ECT2: variants seen among roughly 807,000 people sequenced by gnomAD.
The protein encoded by ECT2 is protein ECT2.
ECT2 carries 61 observed loss-of-function variants against 116.9 expected under a neutral mutation model. That is an observed-to-expected ratio of 0.52 (90% CI 0.42 to 0.65). ECT2 has a LOEUF of 0.65. ECT2 is among the 30% of genes least tolerant of loss of function. The pLI, the probability that ECT2 is intolerant of heterozygous loss-of-function variation, is 0.00. For missense variants in ECT2, 937 were observed against 1,078.7 expected, an observed-to-expected ratio of 0.87 and a Z score of 1.84; for synonymous variants, 358 against 346.4, an observed-to-expected ratio of 1.03 and a Z score of -0.37.
rs966508792 is a variant in ECT2, at chr3:172,774,765, A to G, written c.1548+743A>G. 5.9e-5 allele frequency among the ~76,000 whole-genome samples: 9 copies of G among 152,280 alleles called. No homozygotes were observed. The South Asian group carries it at 1.0e-3, about 18-fold the overall frequency. ...CTGATCCTCCTGCCTTAGCCTCTCA[A>G]AGTGCTAGGATTACAGCCATGAGCC... On this transcript the variant is annotated intron_variant, in intron 14 of 24. Coordinates refer to ENST00000392692, the MANE Select transcript of ECT2 (RefSeq NM_001258315.2).
chr3:172,781,850 AAGT>A (rs1191008892), intron 14 of ECT2, among the ~76,000 whole-genome samples: 2 of 152,196 alleles, frequency 1.3e-5, no homozygotes, highest in African/African-American at 4.8e-5. Flanking sequence ...GCAGGATTGA[AAGT>A]AGTTTTCTAT....
Position 172,807,888 on chromosome 3 carries a change from T to C in ECT2, c.2364T>C (p.Cys788=). The C allele has an allele frequency of 6.2e-7, 1 of 1,613,906 alleles. No homozygotes were observed. Residue 788 remains cysteine, a synonymous_variant, in exon 22 of 25, where the codon TGT becomes TGC. Coordinates refer to ENST00000392692, the MANE Select transcript of ECT2 (RefSeq NM_001258315.2). ...LPKENWLKML[C]RHVANTICKA... is the part of the protein sequence containing the mutation. ...AAGAAAACTGGCTAAAGATGCTGTG[T>C]CGACATGTAGCTAACACCATTTGTA...
rs185421644 is a variant in ECT2, at chr3:172,752,498, T to G, written c.-23+1641T>G. Reference sequence around the variant, plus strand: ...GTTAGCTCATCTCCTGACTTTTTTTTTTTTTTAAACATTCTTTTAAGGGGA... The same window carrying G: ...GTTAGCTCATCTCCTGACTTTTTTTGTTTTTTAAACATTCTTTTAAGGGGA... On this transcript the variant is annotated intron_variant, in intron 1 of 24. Coordinates refer to ENST00000392692, the MANE Select transcript of ECT2 (RefSeq NM_001258315.2). 264 of 152,268 alleles carry G rather than the reference T, an allele frequency of 1.7e-3. 5 individuals are homozygous for G. The highest frequency in any genetic ancestry group is 6.2e-3 in the African/African-American group (256 of 41,536). The allele number at this position is 152,268 out of a possible 1,614,324, so 9.4% of individuals were successfully genotyped here.
At chr3:172,759,097 G>T in intron 6 of ECT2, 28 bp downstream of exon 6, 3 of 1,470,122 alleles carry the variant, frequency 2.0e-6, no homozygotes, top group Non-Finnish European at 2.8e-6. Context: ...AATTCAAAGC[G>T]TATTTTTTAC....
intron 22 of ECT2, 81 bp from the exon 23 acceptor site, chr3:172,815,523 A>G (rs540539951): frequency 5.0e-6 from 4 of 796,018 alleles, no homozygotes; most frequent in South Asian, 1.8e-5. Context: ...AAATACTCCC[A>G]TATATAAATA....
intron 6 of ECT2, among the ~76,000 whole-genome samples, chr3:172,759,860 A>T (rs949138881): frequency 1.3e-5 from 2 of 152,194 alleles, no homozygotes; most frequent in African/African-American, 2.4e-5. Flanking sequence ...AAAAACCAAT[A>T]TATTTACACA....
chr3:172,757,586 G>C lies in ECT2; in HGVS notation c.486+421G>C, dbSNP rs1414215797. Among the ~76,000 whole-genome samples the C allele has an allele frequency of 2.6e-5, 4 of 151,620 alleles. No individual in the cohort carries two copies. In the East Asian group the frequency reaches 7.8e-4, roughly 30 times the overall value. ...GCCCGCCACCATGCTCAGCTACTTT[G>C]TTGTATTTTTAGTAGAGATGGCGTT... On this transcript the variant is annotated intron_variant, in intron 5 of 24. Coordinates refer to ENST00000392692, the MANE Select transcript of ECT2 (RefSeq NM_001258315.2).
At chr3:172,806,495 A>G (rs1338457509) in intron 21 of ECT2, among the ~76,000 whole-genome samples, 1 of 151,850 alleles carries the variant, frequency 6.6e-6, no homozygotes, top group Admixed American at 6.6e-5. Flanking sequence ...GTGTATGTGC[A>G]TGGCCATATT....
At chr3:172,757,187 G>A (rs1717160652) in intron 5 of ECT2, 22 bp downstream of exon 5, 1 of 1,395,768 alleles carries the variant, frequency 7.2e-7, no homozygotes, top group African/African-American at 1.5e-5. Context: ...CATTTATTAT[G>A]ACTTTTCAAG....
At chr3:172,818,511 A>G (rs1224937359) in intron 24 of ECT2, 1 of 1,189,610 alleles carries the variant, frequency 8.4e-7, no homozygotes, top group Admixed American at 3.4e-5. Context: ...CAAGACATTA[A>G]TGTCATCTTC....
rs752125783 is a variant in ECT2, at chr3:172,802,902, T to C, written c.2028T>C (p.Val676=). 6.2e-7 allele frequency: 1 copy of C among 1,613,394 alleles called. No individual in the cohort carries two copies. Among genetic ancestry groups the C allele is most frequent in the Non-Finnish European group, 8.5e-7 (1 of 1,179,600 alleles). Residue 676 remains valine (V), a synonymous_variant, in exon 20 of 25, where the codon GTT becomes GTC. Transcript: ENST00000392692. ...LSSHRSLVQR[V]ETISLGEHPC... Reference sequence around the variant, plus strand: ...CTCACCGAAGCTTAGTACAGCGGGTTGAAACAATTTCTCTAGGTGAGCACC... The same window carrying C: ...CTCACCGAAGCTTAGTACAGCGGGTCGAAACAATTTCTCTAGGTGAGCACC...
At chr3:172,769,843 G>T (rs912353465) in intron 13 of ECT2, among the ~76,000 whole-genome samples, 1 of 152,114 alleles carries the variant, frequency 6.6e-6, no homozygotes, top group African/African-American at 2.4e-5. Context: ...TAATAAAAGA[G>T]ATAGGTTGAC....
chr3:172,808,013 A>G (rs1728088722), intron 22 of ECT2, 89 bp downstream of exon 22: 2 of 1,269,770 alleles, frequency 1.6e-6, no homozygotes, highest in Non-Finnish European at 2.1e-6. Context: ...TGACTTGTTT[A>G]TTATGAATGG....
rs762919759 is a variant in ECT2 at position 172,802,967 on chromosome 3, A to G, written c.2093A>G (p.Asn698Ser). 10 of 1,611,526 alleles carry G rather than the reference A, an allele frequency of 6.2e-6. No homozygotes were observed. Among genetic ancestry groups the G allele is most frequent in the South Asian group, 2.2e-5 (2 of 90,698 alleles). Residue 698 changes from asparagine to serine, a missense_variant, in exon 20 of 25, where the codon AAT becomes AGT. Transcript: ENST00000392692. ...RGEQVTLFLF[N>S]DCLEIARKRH... The stretch of plus-strand genomic sequence containing the variant: ...GAACAAGTAACTCTCTTCCTCTTCA[A>G]TGATTGCCTAGAGGTAAAGATGTAC...
chr3:172,789,057 CAAAAA>C (rs71162310), intron 18 of ECT2, among the ~76,000 whole-genome samples: 1 of 99,560 alleles, frequency 1.0e-5, no homozygotes, highest in African/African-American at 4.5e-5. Context: ...GACTCTGTCT[CAAAAA>C]AAAAAAAAAA....
intron 7 of ECT2, 122 bp downstream of exon 7, chr3:172,760,385 GAATA>G: frequency 1.9e-6 from 1 of 518,740 alleles, no homozygotes; most frequent in Non-Finnish European, 3.3e-6. Flanking sequence ...TTTTTGCTAT[GAATA>G]TATTTAGTAA....
At chr3:172,821,956 T>C (rs1577064344), downstream of ECT2, among the ~76,000 whole-genome samples, 1 of 151,888 alleles carries the variant, frequency 6.6e-6, no homozygotes, top group African/African-American at 2.4e-5. Flanking sequence ...TAGACTATCC[T>C]TGTTATCAGA....
Position 172,820,732 on chromosome 3 carries a change from A to G in ECT2, c.*495A>G, listed in dbSNP as rs1243680453. ...GGGTCTGTTTCACATGTGCAGTTTG[A>G]AGTATTTAAATAACCACTCCTTTCA... On this transcript the variant is annotated 3_prime_UTR_variant, in exon 25 of 25. Transcript: ENST00000392692. 6.6e-6 allele frequency: 1 copy of G among 152,004 alleles called. No individual in the cohort carries two copies. Among genetic ancestry groups the G allele is most frequent in the Non-Finnish European group, 1.5e-5 (1 of 67,878 alleles). 9.4% of individuals were successfully genotyped at this position (152,004 alleles called of 1,614,324 possible). A position where few individuals can be genotyped will look rare whatever the true frequency, so the allele number is the denominator to read the frequency against.
chr3:172,756,700 G>A (rs1717052620), intron 4 of ECT2, among the ~76,000 whole-genome samples: 1 of 152,040 alleles, frequency 6.6e-6, no homozygotes. Context: ...GATGATTTAT[G>A]ACTAATAAGT....
Sources: gnomAD v4.1 joint callset for allele counts (sites outside exome capture counted in the v4.1 genomes callset) on GRCh38, gnomAD v4.1.1 for gene constraint, MANE v1.5 for transcripts, NCBI Gene and HGNC (gene_info 2026-07-23, HGNC 2026-07-21) for gene names.